Variants in PGR observed in about 807,000 individuals in gnomAD.
PGR encodes the protein nuclear receptor subfamily 3 group C member 3.
PGR carries 25 observed loss-of-function variants against 76.1 expected under a neutral mutation model. That is an observed-to-expected ratio of 0.33 (90% CI 0.24 to 0.46). PGR has a LOEUF of 0.46. Ranked by LOEUF, PGR falls within the 20% of genes least tolerant of loss-of-function variation. PGR has a pLI of 1.00. For missense variants in PGR, 1,172 were observed against 1,225.3 expected (o/e 0.96, Z 0.65); for synonymous variants, 579 against 535.0 (o/e 1.08, Z -1.14).
intron 3 of PGR, among the ~76,000 whole-genome samples, chr11:101,071,822 A>T (rs1860945987): frequency 6.6e-6 from 1 of 152,170 alleles, no homozygotes; most frequent in Non-Finnish European, 1.5e-5. Context: ...GAAATATGGG[A>T]CTATGTGAAA....
At chr11:101,065,784 G>T (rs940424365) in intron 3 of PGR, among the ~76,000 whole-genome samples, 7 of 152,032 alleles carry the variant, frequency 4.6e-5, no homozygotes. Flanking sequence ...CGCTGGGGGT[G>T]AGCAAGGGGG....
chr11:101,080,318 T>C (rs1861261547), intron 3 of PGR, among the ~76,000 whole-genome samples: 1 of 152,054 alleles, frequency 6.6e-6, no homozygotes, highest in African/African-American at 2.4e-5. Flanking sequence ...GAGCCCAGTA[T>C]AAAACCTGCT....
chr11:101,038,739 A>G lies in PGR; in HGVS notation c.*377T>C. 1 of 240,222 alleles carries G rather than the reference A, an allele frequency of 4.2e-6. No individual in the cohort carries two copies. The highest frequency in any genetic ancestry group is 6.0e-5 in the East Asian group (1 of 16,664). The allele number at this position is 240,222 out of a possible 1,614,324, so 14.9% of individuals were successfully genotyped here. On this transcript the variant is annotated 3_prime_UTR_variant, in exon 8 of 8. Transcript: ENST00000325455. ...ACAAAGGGAGTTACCTAGAAATAAC[A>G]TATAATAGCTTTGTGTTATTACATG... is the stretch of plus-strand genomic sequence containing the variant.
chr11:101,107,865 T>TAAAAAAAAAAAAAAAAAAAAAAAAAAAA (rs56355097), intron 2 of PGR, among the ~76,000 whole-genome samples: 3 of 119,284 alleles, frequency 2.5e-5, no homozygotes, highest in African/African-American at 6.6e-5. Flanking sequence ...ACTGGCTTTG[T>TAAAAAAAAAAAAAAAAAAAAAAAAAAAA]AAAAAAAAAA....
At position 101,128,171 on chromosome 11, in the gene PGR, C is replaced by T. The variant is rs1862945387; in HGVS notation, c.900G>A (p.Val300=). The change falls in exon 1 of 8, where the codon GTG becomes GTA. Residue 300 remains valine, a synonymous_variant. Transcript: ENST00000325455. The part of the protein sequence containing the change: ...APGRSPLATT[V]MDFIHVPILP... ...GGATAGGCACGTGGATGAAATCCAT[C>T]ACCGTGGTGGCCAGCGGGGAGCGCC... 2.5e-6 allele frequency: 4 copies of T among 1,598,438 alleles called. No individual in the cohort carries two copies. Among genetic ancestry groups the T allele is most frequent in the Non-Finnish European group, 2.5e-6 (3 of 1,179,722 alleles).
intron 3 of PGR, chr11:101,063,594 A>T (rs1190127791): frequency 6.6e-6 from 1 of 152,318 alleles, no homozygotes; most frequent in African/African-American, 2.4e-5. Flanking sequence ...TGGTGATGTG[A>T]TATCAGGCTG....
chr11:101,068,677 A>C (rs503194), intron 3 of PGR, among the ~76,000 whole-genome samples: 111,084 of 151,796 alleles, frequency 0.73, 40,973 homozygotes, highest in East Asian at 0.99. Flanking sequence ...GATATATAGA[A>C]CAATAGAACA....
At chr11:101,052,283 G>C (rs1358111403) in intron 4 of PGR, among the ~76,000 whole-genome samples, 1 of 38,934 alleles carries the variant, frequency 2.6e-5, no homozygotes, top group South Asian at 1.6e-3. Context: ...GTGTGTGTGT[G>C]TGTGTGTGTG....
intron 3 of PGR, among the ~76,000 whole-genome samples, chr11:101,075,681 T>C (rs1861099951): frequency 6.7e-6 from 1 of 150,080 alleles, no homozygotes; most frequent in Non-Finnish European, 1.5e-5. Context: ...AACAGACACT[T>C]CTCAAAAGAA....
At chr11:101,105,252 T>C (rs542167011) in intron 2 of PGR, among the ~76,000 whole-genome samples, 1 of 152,304 alleles carries the variant, frequency 6.6e-6, no homozygotes, top group Admixed American at 6.5e-5. Context: ...GCTAACATGA[T>C]CTGACTTATA....
At chr11:101,085,682 A>AGATT (rs1861475943) in intron 3 of PGR, among the ~76,000 whole-genome samples, 1 of 152,058 alleles carries the variant, frequency 6.6e-6, no homozygotes, top group Non-Finnish European at 1.5e-5. Context: ...AGGATAAATA[A>AGATT]GATTGATAGA....
intron 3 of PGR, among the ~76,000 whole-genome samples, chr11:101,066,071 G>A (rs1860704358): frequency 6.6e-6 from 1 of 152,006 alleles, no homozygotes; most frequent in African/African-American, 2.4e-5. Flanking sequence ...GAAATCATTT[G>A]CCCTCTTGTC....
intron 2 of PGR, among the ~76,000 whole-genome samples, chr11:101,097,091 G>C (rs1231917923): frequency 6.6e-6 from 1 of 152,172 alleles, no homozygotes; most frequent in Non-Finnish European, 1.5e-5. Context: ...AACCTGGGGA[G>C]CTTAATAGAG....
chr11:101,055,153 G>A (rs12294179), intron 4 of PGR, among the ~76,000 whole-genome samples: 5,963 of 151,916 alleles, frequency 0.039, 359 homozygotes, highest in African/African-American at 0.13. Context: ...AGTGGCTCAC[G>A]CCTGTAATCC....
intron 2 of PGR, among the ~76,000 whole-genome samples, chr11:101,107,447 A>G (rs914691434): frequency 6.6e-6 from 1 of 152,238 alleles, no homozygotes; most frequent in Non-Finnish European, 1.5e-5. Context: ...GTTATAATTG[A>G]CATCCATAAT....
At chr11:101,069,494 G>T (rs1386021582) in intron 3 of PGR, among the ~76,000 whole-genome samples, 1 of 152,136 alleles carries the variant, frequency 6.6e-6, no homozygotes, top group African/African-American at 2.4e-5. Context: ...ATTTGACCCA[G>T]TAATCCCATT....
intron 6 of PGR, among the ~76,000 whole-genome samples, chr11:101,049,537 G>A (rs1727696834): frequency 6.6e-6 from 1 of 152,062 alleles, no homozygotes; most frequent in African/African-American, 2.4e-5. Context: ...TGTTATGGTG[G>A]CTATAACAGG....
At chr11:101,090,504 G>A (rs1228709206) in intron 3 of PGR, among the ~76,000 whole-genome samples, 1 of 152,212 alleles carries the variant, frequency 6.6e-6, no homozygotes, top group African/African-American at 2.4e-5. Flanking sequence ...TTGACTAGAT[G>A]TGTGATTTTG....
At chr11:101,092,712 C>A (rs549076023) in intron 2 of PGR, among the ~76,000 whole-genome samples, 34 of 152,124 alleles carry the variant, frequency 2.2e-4, no homozygotes, top group African/African-American at 7.7e-4. Context: ...TTAGATTTAA[C>A]AAAAATAAAA....
Sources: gnomAD v4.1 joint callset for allele counts (sites outside exome capture counted in the v4.1 genomes callset) on GRCh38, gnomAD v4.1.1 for gene constraint, MANE v1.5 for transcripts, NCBI Gene and HGNC (gene_info 2026-07-23, HGNC 2026-07-21) for gene names.